The following ITPR1 variants were observed in gnomAD, a reference collection of about 807,000 sequenced individuals.
ITPR1 encodes inositol 1,4,5-trisphosphate receptor type 1.
A neutral mutation model predicts 318.4 loss-of-function variants in ITPR1; 96 were observed. The ratio of observed to expected loss-of-function variants is 0.30; its 90% CI spans 0.26 to 0.36. The LOEUF (loss-of-function observed/expected upper bound fraction) is 0.36. Among genes scored for constraint, ITPR1 ranks in the 10% least tolerant of loss-of-function variants. The pLI is 1.00. For synonymous variants in ITPR1, 1,312 were observed against 1,289.9 expected (o/e 1.02, Z -0.37); for missense variants, 2,440 against 3,460.2 (o/e 0.71, Z 7.40).
chr3:4,696,972 A>G (rs2094569241), intron 33 of ITPR1, among the ~76,000 whole-genome samples, 175 bp from the exon 34 acceptor site: 1 of 152,100 alleles, frequency 6.6e-6, no homozygotes, highest in Non-Finnish European at 1.5e-5. Context: ...CAAAAGCTTT[A>G]TGGTTTTGGA....
At chr3:4,808,526 G>T (rs1173299047) in intron 55 of ITPR1, among the ~76,000 whole-genome samples, 1 of 152,172 alleles carries the variant, frequency 6.6e-6, no homozygotes, top group African/African-American at 2.4e-5. Context: ...AAACGCAATA[G>T]GATCAAACCA....
At chr3:4,654,737 C>T (rs1215794247) in intron 12 of ITPR1, among the ~76,000 whole-genome samples, 1 of 152,154 alleles carries the variant, frequency 6.6e-6, no homozygotes, top group Non-Finnish European at 1.5e-5. Context: ...TTTCTTAAGG[C>T]ACTTTAATGA....
chr3:4,697,907 T>C (rs557385750), intron 34 of ITPR1, among the ~76,000 whole-genome samples: 1 of 152,338 alleles, frequency 6.6e-6, no homozygotes, highest in Admixed American at 6.5e-5. Context: ...TTTATTTTCC[T>C]TGGTAATATG....
Position 4,768,642 on chromosome 3 carries a change from G to A in ITPR1, c.5857G>A (p.Gly1953Ser). Residue 1953 changes from glycine (G) to serine (S), a missense_variant, in exon 46 of 62, where the codon GGC becomes AGC. Physicochemically the swap from Gly to Ser is moderately conservative, Grantham distance 56 (BLOSUM62 0). Around this residue, in one of 23 missense-constraint regions of ITPR1, gnomAD observed 113 missense variants for 103.6 expected, o/e 1.09. Coordinates refer to ENST00000649015, the MANE Select transcript of ITPR1 (RefSeq NM_001378452.1). Reference sequence around the variant, plus strand: ...CGACGACCACTACCAGCCTGGAGAGGGCACCCAGGCCACTGCCGACAAGGC... The same window carrying A: ...CGACGACCACTACCAGCCTGGAGAGAGCACCCAGGCCACTGCCGACAAGGC... ...DPDDHYQPGE[G>S]TQATADKAKD... 1 of 1,614,006 alleles carries A rather than the reference G, an allele frequency of 6.2e-7. No individual in the cohort carries two copies. The highest frequency in any genetic ancestry group is 8.5e-7 in the Non-Finnish European group (1 of 1,179,894).
chr3:4,794,980 A>G (rs1208132722), intron 52 of ITPR1, 85 bp from the exon 53 acceptor site: 5 of 1,421,954 alleles, frequency 3.5e-6, no homozygotes, highest in Admixed American at 2.5e-5. Flanking sequence ...CTTGTGGGGC[A>G]GAGCTGGCGG....
At chr3:4,832,645 A>G (rs1418691810) in intron 60 of ITPR1, among the ~76,000 whole-genome samples, 3 of 152,224 alleles carry the variant, frequency 2.0e-5, no homozygotes, top group Admixed American at 6.5e-5. Flanking sequence ...AAAAAAATAA[A>G]TTGACCTTTC....
At position 4,768,539 on chromosome 3, in the gene ITPR1, A is replaced by C. The variant is rs775874302; in HGVS notation, c.5754A>C (p.Glu1918Asp). The change falls in exon 46 of 62, where the codon GAA becomes GAC. Residue 1918 changes from glutamate (E) to aspartate (D), a missense_variant. Around this residue, in one of 23 missense-constraint regions of ITPR1, gnomAD observed 113 missense variants for 103.6 expected, o/e 1.09. Transcript: ENST00000649015. ...AAGAGCCCACAACACAGATAACAGA[A>C]GAGGTCCGGGATCAGCTCCTGGAGG... ...KAKEPTTQIT[E>D]EVRDQLLEAS... 1.2e-6 allele frequency: 2 copies of C among 1,613,340 alleles called. No individual in the cohort carries two copies. The highest frequency in any genetic ancestry group is 2.2e-5 in the South Asian group (2 of 91,022).
Position 4,619,695 on chromosome 3 carries a change from C to A in ITPR1, c.164-8068C>A. On this transcript the variant is annotated intron_variant, in intron 4 of 61. Coordinates refer to ENST00000649015, the MANE Select transcript of ITPR1 (RefSeq NM_001378452.1). ...GCTCTCCCCTGCTCTCCTCTGCTCT[C>A]CCCTGCTCTCCTCTGCTCTCCCCTG... Among the ~76,000 whole-genome samples, 3 of 5,000 alleles carry A rather than the reference C, an allele frequency of 6.0e-4. 1 individual carries two copies. The highest frequency in any genetic ancestry group is 4.6e-3 in the African/African-American group (3 of 658). 3.3% of individuals were successfully genotyped at this position (5,000 alleles called of 152,430 possible).
chr3:4,622,997 C>A (rs1476655977), intron 4 of ITPR1, among the ~76,000 whole-genome samples: 7 of 152,224 alleles, frequency 4.6e-5, no homozygotes, highest in Non-Finnish European at 7.3e-5. Flanking sequence ...GGGGTTTCTG[C>A]TGGTCTGGCA....
At position 4,683,706 on chromosome 3, in the gene ITPR1, G is replaced by A. The variant is rs780411493; in HGVS notation, c.3406G>A (p.Val1136Met). ...AGACTTGGATCAACTGAGGTCCATC[G>A]TGGAAAAGTCAGAGCTTTGGGTGTA... is the stretch of plus-strand genomic sequence containing the variant. ...KQDLDQLRSI[V>M]EKSELWVYKG... is the part of the protein sequence containing the mutation. The change falls in exon 28 of 62, where the codon GTG (valine) becomes ATG (methionine). Residue 1136 changes from valine to methionine, a missense_variant. By Grantham distance (21) the Val-to-Met change is conservative. Around this residue, in one of 23 missense-constraint regions of ITPR1, gnomAD observed 76 missense variants for 132.2 expected, o/e 0.58. Coordinates refer to ENST00000649015, the MANE Select transcript of ITPR1 (RefSeq NM_001378452.1). The A allele has an allele frequency of 3.1e-6, 5 of 1,614,022 alleles. No individual in the cohort carries two copies. The highest frequency in any genetic ancestry group is 1.7e-5 in the Admixed American group (1 of 60,032).
At chr3:4,570,884 C>A (rs1217883425) in intron 4 of ITPR1, among the ~76,000 whole-genome samples, 2 of 152,218 alleles carry the variant, frequency 1.3e-5, no homozygotes, top group African/African-American at 2.4e-5. Flanking sequence ...GCAGACACAA[C>A]AAGAAGTGCT....
chr3:4,507,326 G>T (rs2081464540), intron 2 of ITPR1, among the ~76,000 whole-genome samples: 1 of 152,132 alleles, frequency 6.6e-6, no homozygotes, highest in Admixed American at 6.5e-5. Context: ...TGACCCTTGG[G>T]CCACCAGCTC....
At chr3:4,600,811 C>A (rs1271053441) in intron 4 of ITPR1, among the ~76,000 whole-genome samples, 2 of 152,052 alleles carry the variant, frequency 1.3e-5, no homozygotes, top group African/African-American at 4.8e-5. Flanking sequence ...GCGACTCCCA[C>A]AGAATGTCAG....
At chr3:4,804,836 C>A (rs1053383296) in intron 54 of ITPR1, among the ~76,000 whole-genome samples, 2 of 152,194 alleles carry the variant, frequency 1.3e-5, no homozygotes, top group Non-Finnish European at 2.9e-5. Context: ...CCTCGCTTAT[C>A]TGATTGCCGA....
intron 51 of ITPR1, among the ~76,000 whole-genome samples, chr3:4,784,828 C>T (rs376519855): frequency 2.0e-4 from 30 of 151,334 alleles, no homozygotes; most frequent in Admixed American, 3.3e-4. Flanking sequence ...GCCTAGGAGG[C>T]GGGGATTGCA....
chr3:4,537,611 G>A (rs1043524879), intron 4 of ITPR1, among the ~76,000 whole-genome samples: 11 of 152,326 alleles, frequency 7.2e-5, no homozygotes, highest in Middle Eastern at 3.4e-3. Context: ...AAGGGTCCTT[G>A]TAGGCTAGAA....
intron 2 of ITPR1, among the ~76,000 whole-genome samples, chr3:4,499,776 G>T (rs1484549492): frequency 6.6e-6 from 1 of 152,178 alleles, no homozygotes; most frequent in African/African-American, 2.4e-5. Context: ...TTGGTAGTTA[G>T]ATGTAGAGGC....
intron 12 of ITPR1, 91 bp downstream of exon 12, chr3:4,653,977 C>A: frequency 1.1e-6 from 1 of 911,976 alleles, no homozygotes; most frequent in Non-Finnish European, 1.7e-6. Context: ...ACTGTGGTCA[C>A]GGAGTGCTGG....
chr3:4,771,786 T>G (rs1292569750), intron 46 of ITPR1, among the ~76,000 whole-genome samples: 1 of 152,132 alleles, frequency 6.6e-6, no homozygotes, highest in Non-Finnish European at 1.5e-5. Context: ...GAAGGTATCA[T>G]AAAGATTATC....
Sources: gnomAD v4.1 joint callset for allele counts (sites outside exome capture counted in the v4.1 genomes callset) on GRCh38, gnomAD v4.1.1 for gene constraint, gnomAD v4.1.1 regional missense constraint, MANE v1.5 for transcripts, NCBI Gene and HGNC (gene_info 2026-07-23, HGNC 2026-07-21) for gene names.